Variants in CCR6 observed in about 807,000 individuals in gnomAD.
The protein encoded by CCR6 is C-C chemokine receptor type 6.
A neutral mutation model predicts 3.0 loss-of-function variants in CCR6; 2 were observed. That is an observed-to-expected ratio of 0.66 (90% CI 0.27 to 2.07). CCR6 has a LOEUF of 2.07. CCR6 is among the 30% of genes most tolerant of loss of function. The probability of loss-of-function intolerance (pLI) is 0.14; values close to 1 mark genes in which losing one functional copy is unlikely to be tolerated. For missense variants in CCR6, 322 were observed against 462.8 expected, an observed-to-expected ratio of 0.70 and a Z score of 2.79; for synonymous variants, 193 against 184.3, an observed-to-expected ratio of 1.05 and a Z score of -0.38.
chr6:167,115,789 T>A (rs1476699470), intron 1 of CCR6: 2 of 152,238 alleles, frequency 1.3e-5, no homozygotes, highest in Non-Finnish European at 2.9e-5. Flanking sequence ...GAGAATTTTT[T>A]AATAATTACA....
At chr6:167,129,461 C>A (rs1262121870) in intron 1 of CCR6, 1 of 152,270 alleles carries the variant, frequency 6.6e-6, no homozygotes, top group African/African-American at 2.4e-5. Flanking sequence ...CATTTTACCT[C>A]ATTCGGAGGC....
chr6:167,114,931 G>A (rs1397458085), intron 1 of CCR6: 1 of 152,218 alleles, frequency 6.6e-6, no homozygotes, highest in Non-Finnish European at 1.5e-5. Flanking sequence ...CATTTGATAG[G>A]AGATCCCCAA....
chr6:167,118,879 G>A (rs935254906), upstream of CCR6, among the ~76,000 whole-genome samples: 3 of 152,142 alleles, frequency 2.0e-5, no homozygotes, highest in South Asian at 2.1e-4. Context: ...CATGCTGGAC[G>A]CCCTTGGTCC....
chr6:167,117,298 G>A (rs1302434556), intron 1 of CCR6, among the ~76,000 whole-genome samples: 1 of 151,720 alleles, frequency 6.6e-6, no homozygotes, highest in Non-Finnish European at 1.5e-5. Flanking sequence ...TGTCAGAAGA[G>A]TGTTCGAGGG....
chr6:167,125,601 C>T lies in CCR6; in HGVS notation c.-98+2378C>T, dbSNP rs189425977. ...ATGGTTTTCTCTAAGGTAGAGGCAC[C>T]GTTGAAGGCCGGGGGGAGATGAGTG... On this transcript the variant is annotated intron_variant, in intron 1 of 2. Transcript: ENST00000341935. Among the ~76,000 whole-genome samples, 354 of 152,304 alleles carry T rather than the reference C, an allele frequency of 2.3e-3. 3 individuals are homozygous for T. Among genetic ancestry groups the T allele is most frequent in the Non-Finnish European group, 8.5e-4 (58 of 68,024 alleles).
intron 1 of CCR6, among the ~76,000 whole-genome samples, chr6:167,133,488 G>A (rs1054450782): frequency 1.3e-5 from 2 of 152,034 alleles, no homozygotes; most frequent in African/African-American, 4.8e-5. Context: ...ATCCAACACC[G>A]TCATGGTTAG....
Position 167,136,362 on chromosome 6 carries a change from C to T in CCR6, c.132C>T (p.Phe44=). ...GCTCCTTGCAGGAGGTCAGGCAGTT[C>T]TCCAGGCTATTTGTACCGATTGCCT... The part of the protein sequence containing the change: ...LLCSLQEVRQ[F]SRLFVPIAYS... The change falls in exon 3 of 3, where the codon TTC becomes TTT. Residue 44 remains phenylalanine, a synonymous_variant. Transcript: ENST00000341935. This position sits in a 1 kb window ranked among gnomAD's most constrained non-coding sequence, Gnocchi z 4.6. The T allele has an allele frequency of 6.2e-7, 1 of 1,614,196 alleles. No individual in the cohort carries two copies. Among genetic ancestry groups the T allele is most frequent in the Non-Finnish European group, 8.5e-7 (1 of 1,180,036 alleles).
At chr6:167,127,025 G>C (rs1431424828) in intron 1 of CCR6, 1 of 152,086 alleles carries the variant, frequency 6.6e-6, no homozygotes, top group Non-Finnish European at 1.5e-5. Context: ...GTCTTTATTA[G>C]CAGTGTGAGA....
Position 167,138,187 on chromosome 6 carries a change from G to A in CCR6, c.*832G>A, listed in dbSNP as rs1011788376. 13 of 152,388 alleles carry A rather than the reference G, an allele frequency of 8.5e-5. No individual in the cohort carries two copies. The Middle Eastern group carries it at 0.01, about 120-fold the overall frequency. The allele number at this position is 152,388 out of a possible 1,614,324, so 9.4% of individuals were successfully genotyped here. A position where few individuals can be genotyped will look rare whatever the true frequency, so the allele number is the denominator to read the frequency against. On this transcript the variant is annotated 3_prime_UTR_variant, in exon 3 of 3. Transcript: ENST00000341935. ...CTCACAGCTGTGCTCTGAGTGCCTA[G>A]CGGAGTTCCAGCAAACAAAATGGAC...
At chr6:167,112,583 C>A (rs2114906341) in intron 1 of CCR6, among the ~76,000 whole-genome samples, 2 of 152,192 alleles carry the variant, frequency 1.3e-5, no homozygotes, top group South Asian at 4.2e-4. Flanking sequence ...AACTTCTCAC[C>A]CTGGGGGCTG....
At position 167,136,060 on chromosome 6, in the gene CCR6, C is replaced by T. The variant is rs1486490428; in HGVS notation, c.-75C>T. 1.3e-6 allele frequency: 2 copies of T among 1,542,404 alleles called. No homozygotes were observed. Among genetic ancestry groups the T allele is most frequent in the Non-Finnish European group, 1.8e-6 (2 of 1,134,264 alleles). On this transcript the variant is annotated 5_prime_UTR_variant, in exon 2 of 3. Transcript: ENST00000341935. This position sits in a 1 kb window ranked among gnomAD's most constrained non-coding sequence, Gnocchi z 4.6. ...TAGAGTCACCTCTACTTTCCTGCTA[C>T]CGCTGCCTGTGAGCTGAAGGGGCTG...
In CCR6 at chr6:167,133,932, GTATATATATATATA is replaced by G. The variant is rs6149918; in HGVS notation, c.-97-2081_-97-2068del. Among the ~76,000 whole-genome samples the G allele has an allele frequency of 4.9e-4, 54 of 110,396 alleles. 1 individual carries two copies. The highest frequency in any genetic ancestry group is 2.3e-3 in the East Asian group (9 of 3,892). The allele number at this position is 110,396 out of a possible 152,430, so 72.4% of individuals were successfully genotyped here. A position where few individuals can be genotyped will look rare whatever the true frequency, so the allele number is the denominator to read the frequency against. ...ATACTATTATATATGATATATGTGTGTATATATATATATATATATATATATATATATATATATAG... is the reference window on the plus strand; with the variant it reads ...ATACTATTATATATGATATATGTGTGTATATATATATATATATATATATAG... On this transcript the variant is annotated intron_variant, in intron 1 of 2. Coordinates refer to ENST00000341935, the MANE Select transcript of CCR6 (RefSeq NM_031409.4).
upstream of CCR6, among the ~76,000 whole-genome samples, chr6:167,122,520 A>G (rs1367926011): frequency 1.3e-5 from 2 of 152,144 alleles, no homozygotes; most frequent in Non-Finnish European, 2.9e-5. This position sits in a 1 kb window ranked among gnomAD's most constrained non-coding sequence, Gnocchi z 4.2. Context: ...ATCTTGTAAT[A>G]ATAGCTGAGA....
chr6:167,121,951 C>A (rs945348447), upstream of CCR6, among the ~76,000 whole-genome samples: 3 of 152,146 alleles, frequency 2.0e-5, no homozygotes, highest in South Asian at 2.1e-4. Flanking sequence ...TGGACAAACC[C>A]GGGAAAATGG....
rs1251506212 is a variant in CCR6, at chr6:167,137,133, A to T, written c.903A>T (p.Thr301=). 2 of 1,614,096 alleles carry T rather than the reference A, an allele frequency of 1.2e-6. No homozygotes were observed. Among genetic ancestry groups the T allele is most frequent in the African/African-American group, 2.7e-5 (2 of 74,928 alleles). Residue 301 remains threonine (T), a synonymous_variant, in exon 3 of 3, where the codon ACA becomes ACT. Transcript: ENST00000341935. The surrounding 1 kb of genome is among the most constrained non-coding windows in gnomAD (Gnocchi z 4.6). ...TAATTGGCTATACGAAAACTGTCAC[A>T]GAAGTCCTGGCTTTCCTGCACTGCT... ...EKLIGYTKTV[T]EVLAFLHCCL... is the part of the protein sequence containing the mutation.
chr6:167,130,623 C>T (rs1472556463), intron 1 of CCR6, among the ~76,000 whole-genome samples: 1 of 151,776 alleles, frequency 6.6e-6, no homozygotes, highest in African/African-American at 2.4e-5. Context: ...GGCTGGCATA[C>T]AGGTGAACCT....
rs1781687600 is a variant in CCR6 at position 167,127,480 on chromosome 6, C to T, written c.-98+4257C>T. Among the ~76,000 whole-genome samples the T allele has an allele frequency of 2.0e-5, 3 of 152,172 alleles. No homozygotes were observed. In the South Asian group the frequency reaches 6.2e-4, roughly 31 times the overall value. ...GTCTGTCTCCCTCCCTTCTTTTTAC[C>T]CAGAGCATCTCTTGGAACTCACTTT... is the stretch of plus-strand genomic sequence containing the variant. On this transcript the variant is annotated intron_variant, in intron 1 of 2. Transcript: ENST00000341935.
intron 1 of CCR6, among the ~76,000 whole-genome samples, chr6:167,125,942 C>A (rs2114922070): frequency 6.6e-6 from 1 of 152,266 alleles, no homozygotes; most frequent in Middle Eastern, 3.4e-3. Flanking sequence ...TGTGTGATAA[C>A]AAGATCTTTG....
rs1030571222 is a variant in CCR6, at chr6:167,138,590, G to A, written c.*1235G>A. ...GGGCTATGTAAATATATGAACATTA[G>A]AAAAATAGCAACTTGTGTTACAAAA... On this transcript the variant is annotated 3_prime_UTR_variant, in exon 3 of 3. Coordinates refer to ENST00000341935, the MANE Select transcript of CCR6 (RefSeq NM_031409.4). 2.0e-5 allele frequency: 3 copies of A among 152,296 alleles called. No individual in the cohort carries two copies. Among genetic ancestry groups the A allele is most frequent in the Non-Finnish European group, 2.9e-5 (2 of 68,020 alleles). The allele number at this position is 152,296 out of a possible 1,614,324, so 9.4% of individuals were successfully genotyped here. A position where few individuals can be genotyped will look rare whatever the true frequency, so the allele number is the denominator to read the frequency against.
Sources: gnomAD v4.1 joint callset for allele counts (sites outside exome capture counted in the v4.1 genomes callset) on GRCh38, gnomAD v4.1.1 for gene constraint, Gnocchi (gnomAD v3.1) non-coding constraint, MANE v1.5 for transcripts, NCBI Gene and HGNC (gene_info 2026-07-23, HGNC 2026-07-21) for gene names.